The following ZNRF3 variants were observed in gnomAD, a reference collection of about 807,000 sequenced individuals.
The protein encoded by ZNRF3 is E3 ubiquitin-protein ligase ZNRF3.
In ZNRF3, 23 loss-of-function variants were observed where a neutral mutation model predicts 72.5. The observed-to-expected ratio is 0.32, with a 90% CI of 0.23 to 0.45. The LOEUF (loss-of-function observed/expected upper bound fraction) is 0.45. Ranked by LOEUF, ZNRF3 falls within the 20% of genes least tolerant of loss-of-function variation. The pLI, the probability that ZNRF3 is intolerant of heterozygous loss-of-function variation, is 1.00. For missense variants in ZNRF3, 1,169 were observed against 1,272.1 expected, an observed-to-expected ratio of 0.92 and a Z score of 1.23; for synonymous variants, 610 against 545.3, an observed-to-expected ratio of 1.12 and a Z score of -1.65.
intron 5 of ZNRF3, among the ~76,000 whole-genome samples, chr22:29,046,075 T>A (rs915304050): frequency 6.6e-6 from 1 of 152,120 alleles, no homozygotes; most frequent in Non-Finnish European, 1.5e-5. Flanking sequence ...TGATTAACAG[T>A]AGCTGCTGTA....
chr22:28,929,992 AAAAATG>A (rs1266711853), intron 1 of ZNRF3, among the ~76,000 whole-genome samples: 1 of 152,198 alleles, frequency 6.6e-6, no homozygotes, highest in East Asian at 1.9e-4. Context: ...TTTAAAAAGA[AAAAATG>A]AAAATGTACA....
rs61155224 is a variant in ZNRF3, at chr22:28,956,353, CTTTTTTTTT to C, written c.301-30707_301-30699del. Among the ~76,000 whole-genome samples, 143 of 110,434 alleles carry C rather than the reference CTTTTTTTTT, an allele frequency of 1.3e-3. 1 individual carries two copies. Among genetic ancestry groups the C allele is most frequent in the South Asian group, 2.4e-3 (8 of 3,324 alleles). The allele number at this position is 110,434 out of a possible 152,430, so 72.4% of individuals were successfully genotyped here. ...TCCGAATGGCCTTTGTTTCCATTTC[CTTTTTTTTT>C]TTTTTTTTTTTTTTTAAAGCTGCAT... On this transcript the variant is annotated intron_variant, in intron 1 of 8. Transcript: ENST00000544604.
At chr22:28,909,991 C>T (rs1158566787) in intron 1 of ZNRF3, among the ~76,000 whole-genome samples, 1 of 151,914 alleles carries the variant, frequency 6.6e-6, no homozygotes, top group East Asian at 1.9e-4. Context: ...CTTCCTGCCA[C>T]TGCACCTGGC....
intron 1 of ZNRF3, chr22:28,917,494 T>C: frequency 1.0e-6 from 1 of 972,260 alleles, no homozygotes; most frequent in Middle Eastern, 5.3e-4. Flanking sequence ...AACTGAAGAA[T>C]GTTAAATCTA....
At chr22:28,893,935 A>G (rs756719342) in intron 1 of ZNRF3, among the ~76,000 whole-genome samples, 1 of 152,002 alleles carries the variant, frequency 6.6e-6, no homozygotes, top group Non-Finnish European at 1.5e-5. Flanking sequence ...CCAGGTCGCC[A>G]TGTATGTTTC....
chr22:28,961,546 TG>T (rs1372579768), intron 1 of ZNRF3, among the ~76,000 whole-genome samples: 1 of 152,110 alleles, frequency 6.6e-6, no homozygotes, highest in Admixed American at 6.5e-5. Flanking sequence ...GGCAGGAGAA[TG>T]GGGGATAAGG....
At chr22:28,931,603 A>T (rs11912894) in intron 1 of ZNRF3, among the ~76,000 whole-genome samples, 4,725 of 152,260 alleles carry the variant, frequency 0.031, 261 homozygotes, top group African/African-American at 0.11. Flanking sequence ...AGGCTACTAC[A>T]TTGTTAGGGA....
At chr22:28,991,426 C>G (rs1398375959) in intron 2 of ZNRF3, among the ~76,000 whole-genome samples, 2 of 151,698 alleles carry the variant, frequency 1.3e-5, no homozygotes, top group African/African-American at 4.8e-5. Flanking sequence ...GAGACCCAGC[C>G]TTGGCTGACT....
At chr22:28,993,814 C>T (rs181352266) in intron 2 of ZNRF3, among the ~76,000 whole-genome samples, 172 of 152,306 alleles carry the variant, frequency 1.1e-3, no homozygotes, top group African/African-American at 3.9e-3. Context: ...TCCCAAGTAG[C>T]TGGGACTACA....
chr22:29,024,440 C>T (rs888272594), intron 2 of ZNRF3, among the ~76,000 whole-genome samples: 8 of 152,114 alleles, frequency 5.3e-5, no homozygotes. Context: ...GGTTCCCAGG[C>T]AGCGTGCGTT....
Position 29,055,365 on chromosome 22 carries a change from C to G in ZNRF3, c.*1743C>G, listed in dbSNP as rs1025858488. ...GAATAGGAAACTTGAGACCTGGCCC[C>G]CTGTGGGTAGGAGAACAAGGACCAC... On this transcript the variant is annotated 3_prime_UTR_variant, in exon 9 of 9. Coordinates refer to ENST00000544604, the MANE Select transcript of ZNRF3 (RefSeq NM_001206998.2). 2 of 152,206 alleles carry G rather than the reference C, an allele frequency of 1.3e-5. No homozygotes were observed. The highest frequency in any genetic ancestry group is 2.9e-5 in the Non-Finnish European group (2 of 68,034). 9.4% of individuals were successfully genotyped at this position (152,206 alleles called of 1,614,324 possible). A position where few individuals can be genotyped will look rare whatever the true frequency, so the allele number is the denominator to read the frequency against.
At position 29,049,805 on chromosome 22, in the gene ZNRF3, T is replaced by A. The variant is rs775354279; in HGVS notation, c.1624T>A (p.Tyr542Asn). The change falls in exon 8 of 9, where the codon TAC becomes AAC. Residue 542 changes from tyrosine (Y) to asparagine (N), a missense_variant. Tyr to Asn is a moderately radical substitution (Grantham distance 143). This residue lies in a region of ZNRF3 where 783 missense variants were observed against 731.4 expected (regional missense o/e 1.07). Coordinates refer to ENST00000544604, the MANE Select transcript of ZNRF3 (RefSeq NM_001206998.2). This position sits in a 1 kb window ranked among gnomAD's most constrained non-coding sequence, Gnocchi z 5.2. ...YHGHRSVCSG[Y>N]LADCPGSDSS... The stretch of plus-strand genomic sequence containing the variant: ...CGGCCACCGCTCGGTGTGCAGTGGC[T>A]ACCTGGCCGACTGCCCAGGCAGCGA... The A allele has an allele frequency of 6.2e-7, 1 of 1,607,232 alleles. No homozygotes were observed. Among genetic ancestry groups the A allele is most frequent in the South Asian group, 1.1e-5 (1 of 90,436 alleles).
intron 1 of ZNRF3, among the ~76,000 whole-genome samples, chr22:28,951,490 A>G (rs1383581529): frequency 6.6e-6 from 1 of 152,204 alleles, no homozygotes; most frequent in Non-Finnish European, 1.5e-5. Flanking sequence ...CCAGCAGCCC[A>G]CCAGAAGCTA....
chr22:28,956,873 G>A (rs2035271579), intron 1 of ZNRF3, among the ~76,000 whole-genome samples: 1 of 152,190 alleles, frequency 6.6e-6, no homozygotes, highest in South Asian at 2.1e-4. Context: ...GAAAAATAAG[G>A]CCTAATAAGC....
chr22:28,947,262 C>T (rs1398857356), intron 1 of ZNRF3, among the ~76,000 whole-genome samples: 3 of 152,186 alleles, frequency 2.0e-5, no homozygotes, highest in African/African-American at 7.2e-5. Flanking sequence ...ATCCACTCTT[C>T]AGTCAGTAGG....
At chr22:28,938,830 A>G (rs2034888717) in intron 1 of ZNRF3, among the ~76,000 whole-genome samples, 1 of 152,230 alleles carries the variant, frequency 6.6e-6, no homozygotes, top group Non-Finnish European at 1.5e-5. Flanking sequence ...GATACCTTAA[A>G]AAATCCACTA....
intron 1 of ZNRF3, among the ~76,000 whole-genome samples, chr22:28,911,159 T>A (rs991936387): frequency 1.3e-5 from 2 of 152,092 alleles, no homozygotes; most frequent in Non-Finnish European, 2.9e-5. Flanking sequence ...CTCTGAAGGA[T>A]GTCTGGGGAC....
intron 3 of ZNRF3, 86 bp downstream of exon 3, chr22:29,042,655 C>A: frequency 8.3e-7 from 1 of 1,200,324 alleles, no homozygotes; most frequent in Non-Finnish European, 1.2e-6. Context: ...GGTCATGTCA[C>A]CCTCATCTCA....
intron 1 of ZNRF3, among the ~76,000 whole-genome samples, chr22:28,921,280 G>A (rs1175974605): frequency 1.3e-5 from 2 of 151,808 alleles, no homozygotes; most frequent in Admixed American, 6.6e-5. Flanking sequence ...TCTGCTACTC[G>A]GCTGCCAGAT....
Sources: gnomAD v4.1 joint callset for allele counts (sites outside exome capture counted in the v4.1 genomes callset) on GRCh38, gnomAD v4.1.1 for gene constraint, gnomAD v4.1.1 regional missense constraint, Gnocchi (gnomAD v3.1) non-coding constraint, MANE v1.5 for transcripts, NCBI Gene and HGNC (gene_info 2026-07-23, HGNC 2026-07-21) for gene names.